Variants in NRG1 observed in about 807,000 individuals in gnomAD.
NRG1 encodes the protein neuregulin 1, also known as pro-neuregulin-1, membrane-bound isoform.
In NRG1, 18 loss-of-function variants were observed where a neutral mutation model predicts 63.8. That is an observed-to-expected ratio of 0.28 (90% CI 0.19 to 0.42). The LOEUF (loss-of-function observed/expected upper bound fraction) is 0.42, where lower values mean the gene tolerates loss of function less well. NRG1 is among the 10% of genes least tolerant of loss of function. NRG1 has a pLI of 1.00. For missense variants in NRG1, 762 were observed against 814.7 expected (o/e 0.94, Z 0.79); for synonymous variants, 302 against 301.3 (o/e 1.00, Z -0.02).
At chr8:32,164,017 A>T (rs1218366726) in intron 1 of NRG1, among the ~76,000 whole-genome samples, 1 of 152,172 alleles carries the variant, frequency 6.6e-6, no homozygotes, top group East Asian at 1.9e-4. Flanking sequence ...ACGTGTGTGA[A>T]TGTGTACACA....
chr8:32,116,296 A>G (rs1407194555), intron 1 of NRG1, among the ~76,000 whole-genome samples: 1 of 152,078 alleles, frequency 6.6e-6, no homozygotes, highest in Non-Finnish European at 1.5e-5. Flanking sequence ...AAATCCCTAA[A>G]TTTGTCACAC....
At chr8:32,251,425 T>A (rs1175643522) in intron 1 of NRG1, among the ~76,000 whole-genome samples, 1 of 152,186 alleles carries the variant, frequency 6.6e-6, no homozygotes, top group Non-Finnish European at 1.5e-5. Context: ...TTGTGGTGTA[T>A]ATGTGGCACA....
chr8:32,120,100 A>T (rs1287890792), intron 1 of NRG1, among the ~76,000 whole-genome samples: 1 of 152,070 alleles, frequency 6.6e-6, no homozygotes, highest in East Asian at 1.9e-4. Context: ...AGTTTATCTT[A>T]AAAATCCTAT....
intron 5 of NRG1, among the ~76,000 whole-genome samples, chr8:32,653,086 A>G (rs146026978): frequency 6.7e-6 from 1 of 149,886 alleles, no homozygotes; most frequent in African/African-American, 2.4e-5. Flanking sequence ...TTTGCTCTAC[A>G]TCAATGCTTT....
intron 1 of NRG1, among the ~76,000 whole-genome samples, chr8:31,699,330 C>G (rs1395131274): frequency 2.0e-5 from 3 of 151,858 alleles, no homozygotes; most frequent in Non-Finnish European, 4.4e-5. Flanking sequence ...AATCACTGGC[C>G]CAACATAGTC....
At chr8:32,509,346 G>T (rs1296490089) in intron 1 of NRG1, among the ~76,000 whole-genome samples, 1 of 148,858 alleles carries the variant, frequency 6.7e-6, no homozygotes, top group African/African-American at 2.5e-5. Context: ...CTCCCACCTG[G>T]GCCTCCCAAA....
intron 1 of NRG1, among the ~76,000 whole-genome samples, chr8:31,899,820 G>T (rs1437526349): frequency 6.6e-6 from 1 of 152,124 alleles, no homozygotes; most frequent in Non-Finnish European, 1.5e-5. Flanking sequence ...AAGGCAAGTG[G>T]TGAATAGATC....
chr8:32,741,356 C>T (rs1826268648), intron 6 of NRG1, among the ~76,000 whole-genome samples: 1 of 151,986 alleles, frequency 6.6e-6, no homozygotes, highest in Admixed American at 6.6e-5. Context: ...ATGTATTTGT[C>T]TTTGATTTGG....
At chr8:32,514,910 G>A (rs946153222) in intron 1 of NRG1, among the ~76,000 whole-genome samples, 1 of 85,508 alleles carries the variant, frequency 1.2e-5, no homozygotes, top group Non-Finnish European at 2.2e-5. Context: ...GAGGTTTGGG[G>A]TATGAATGGT....
chr8:31,988,687 T>G (rs1810502276), intron 1 of NRG1, among the ~76,000 whole-genome samples: 1 of 152,034 alleles, frequency 6.6e-6, no homozygotes. Flanking sequence ...GCAAAGAAGT[T>G]GATATCGACT....
intron 1 of NRG1, among the ~76,000 whole-genome samples, chr8:32,134,410 T>C (rs1179275904): frequency 6.6e-6 from 1 of 152,114 alleles, no homozygotes; most frequent in African/African-American, 2.4e-5. Context: ...CAGATACCTT[T>C]CATGTACATG....
intron 1 of NRG1, among the ~76,000 whole-genome samples, chr8:32,136,949 T>C (rs908219071): frequency 1.3e-5 from 2 of 152,134 alleles, no homozygotes; most frequent in African/African-American, 4.8e-5. Flanking sequence ...TTAATGAAAC[T>C]AGTTCTGAAT....
intron 1 of NRG1, among the ~76,000 whole-genome samples, chr8:31,696,835 C>T (rs2131163773): frequency 6.6e-6 from 1 of 152,296 alleles, no homozygotes; most frequent in East Asian, 1.9e-4. Flanking sequence ...TTATTCTACA[C>T]TGCCTCTCAG....
chr8:32,428,412 G>A (rs1406132485), intron 1 of NRG1, among the ~76,000 whole-genome samples: 1 of 150,884 alleles, frequency 6.6e-6, no homozygotes, highest in East Asian at 1.9e-4. Context: ...GTAGAAATCA[G>A]TTTTGTTAGT....
chr8:32,339,740 A>G (rs1463684552), intron 1 of NRG1, among the ~76,000 whole-genome samples: 1 of 152,206 alleles, frequency 6.6e-6, no homozygotes, highest in Non-Finnish European at 1.5e-5. Context: ...ACCGCCAATA[A>G]GTATTAGAGG....
chr8:32,521,528 G>A (rs1441122438), intron 1 of NRG1, among the ~76,000 whole-genome samples: 1 of 152,098 alleles, frequency 6.6e-6, no homozygotes, highest in Non-Finnish European at 1.5e-5. Context: ...GTGCTCAAAA[G>A]AGTTTACCTA....
chr8:32,103,284 A>G (rs1157938576), intron 1 of NRG1, among the ~76,000 whole-genome samples: 3 of 152,160 alleles, frequency 2.0e-5, no homozygotes, highest in African/African-American at 4.8e-5. Context: ...AGAATACACA[A>G]TGTTTGTCTT....
chr8:31,778,925 A>G (rs1408385003), intron 1 of NRG1, among the ~76,000 whole-genome samples: 1 of 152,218 alleles, frequency 6.6e-6, no homozygotes, highest in East Asian at 1.9e-4. Context: ...GATTTAGAAG[A>G]CACATGTAAC....
At chr8:32,407,319 T>TGGCCAAC (rs71208179) in intron 1 of NRG1, among the ~76,000 whole-genome samples, 1 of 3,654 alleles carries the variant, frequency 2.7e-4, no homozygotes, top group Admixed American at 3.6e-3. Flanking sequence ...TATATATATA[T>TGGCCAAC]TATATATATA....
Sources: gnomAD v4.1 joint callset for allele counts (sites outside exome capture counted in the v4.1 genomes callset) on GRCh38, gnomAD v4.1.1 for gene constraint, MANE v1.5 for transcripts, NCBI Gene and HGNC (gene_info 2026-07-23, HGNC 2026-07-21) for gene names.